CTBP1: variants seen among roughly 807,000 people sequenced by gnomAD.
CTBP1 encodes the protein C-terminal binding protein 1.
In CTBP1, 11 loss-of-function variants were observed where a neutral mutation model predicts 42.1. That is an observed-to-expected ratio of 0.26 (90% CI 0.16 to 0.43). The LOEUF is 0.43. Among genes scored for constraint, CTBP1 ranks in the 20% least tolerant of loss-of-function variants. The pLI, the probability that CTBP1 is intolerant of heterozygous loss-of-function variation, is 1.00. For missense variants in CTBP1, 399 were observed against 624.3 expected (o/e 0.64, Z 3.85); for synonymous variants, 324 against 277.1 (o/e 1.17, Z -1.68).
rs1272177196 is a variant in CTBP1, at chr4:1,213,463, G to A, written c.988+15C>T. On this transcript the variant is annotated intron_variant, in intron 8 of 9. Transcript: ENST00000382952. ...AAGGGACCCCCAGGCCTGACCGAGC[G>A]GCCCCCACGCCCACCTGTGATGGCT... The A allele has an allele frequency of 1.2e-5, 19 of 1,608,054 alleles. No individual in the cohort carries two copies. Among genetic ancestry groups the A allele is most frequent in the Admixed American group, 8.3e-5 (5 of 59,972 alleles).
chr4:1,227,880 C>T (rs1324074151), intron 4 of CTBP1, among the ~76,000 whole-genome samples: 3 of 152,220 alleles, frequency 2.0e-5, no homozygotes, highest in African/African-American at 7.2e-5. Flanking sequence ...TACAGCCATA[C>T]ACTGACGGCC....
intron 1 of CTBP1, chr4:1,245,718 A>G: frequency 1.0e-6 from 1 of 964,852 alleles, no homozygotes; most frequent in East Asian, 1.2e-4. Context: ...GGATGGCACA[A>G]GCAGGTCAGG....
chr4:1,236,652 G>T, intron 3 of CTBP1: 1 of 670,734 alleles, frequency 1.5e-6, no homozygotes, highest in Non-Finnish European at 2.7e-6. Context: ...TCCACCTCCT[G>T]ATGGGGCTCA....
chr4:1,231,817 G>A (rs1226280565), intron 3 of CTBP1, among the ~76,000 whole-genome samples: 3 of 152,204 alleles, frequency 2.0e-5, no homozygotes, highest in East Asian at 1.9e-4. Flanking sequence ...AGACCGGCAC[G>A]GCCGTTTCTA....
rs113066235 is a variant in CTBP1, at chr4:1,238,048, G to T, written c.162+135C>A. On this transcript the variant is annotated intron_variant, in intron 3 of 9. Transcript: ENST00000382952. This position sits in a 1 kb window ranked among gnomAD's most constrained non-coding sequence, Gnocchi z 5.9. Reference sequence around the variant, plus strand: ...CCCCGTGTCCACCTCCTGACGGCGCGGGACGACTGGGACAGAGGCTGCTCC... The same window carrying T: ...CCCCGTGTCCACCTCCTGACGGCGCTGGACGACTGGGACAGAGGCTGCTCC... The T allele has an allele frequency of 8.4e-7, 1 of 1,190,238 alleles. No individual in the cohort carries two copies. Among genetic ancestry groups the T allele is most frequent in the South Asian group, 1.2e-5 (1 of 82,592 alleles). 73.7% of individuals were successfully genotyped at this position (1,190,238 alleles called of 1,614,324 possible).
chr4:1,244,614 C>T (rs1408832036), intron 1 of CTBP1: 7 of 985,280 alleles, frequency 7.1e-6, no homozygotes, highest in African/African-American at 3.5e-5. Flanking sequence ...TCCCCCTCCC[C>T]ACAGCAGCCC....
rs374805173 is a variant in CTBP1 at position 1,228,191 on chromosome 4, C to T, written c.307+8G>A. 3.1e-5 allele frequency: 50 copies of T among 1,613,742 alleles called. No individual in the cohort carries two copies. Among genetic ancestry groups the T allele is most frequent in the African/African-American group, 3.1e-4 (23 of 74,906 alleles). The stretch of plus-strand genomic sequence containing the variant: ...ATGGGCACAGGAGAGAACTCGGAGC[C>T]GGCCTACCTAAATCCCCGGCCGACT... On this transcript the variant is annotated splice_region_variant and intron_variant, in intron 4 of 9. Coordinates refer to ENST00000382952, the MANE Select transcript of CTBP1 (RefSeq NM_001012614.2).
rs1394180818 is a variant in CTBP1 at position 1,240,245 on chromosome 4, C to T, written c.7+1080G>A. Among the ~76,000 whole-genome samples, 17 of 136,906 alleles carry T rather than the reference C, an allele frequency of 1.2e-4. 1 individual carries two copies. Among genetic ancestry groups the T allele is most frequent in the African/African-American group, 4.7e-4 (17 of 35,826 alleles). 89.8% of individuals were successfully genotyped at this position (136,906 alleles called of 152,430 possible). ...CTCGTCGGAACCGTGTGGGGCACTCCCGGGTGCTGGGTGAGTGGGACCGGG... is the reference window on the plus strand; with the variant it reads ...CTCGTCGGAACCGTGTGGGGCACTCTCGGGTGCTGGGTGAGTGGGACCGGG... On this transcript the variant is annotated intron_variant, in intron 2 of 9. Transcript: ENST00000382952.
rs1433096995 is a variant in CTBP1 at position 1,215,964 on chromosome 4, G to C, written c.729+27C>G. 1.9e-6 allele frequency: 3 copies of C among 1,586,742 alleles called. No individual in the cohort carries two copies. The South Asian group carries it at 3.4e-5, about 18-fold the overall frequency. ...CACCTGTACCTGCCCCGCAGAAGTA[G>C]AGTCCTGTGTCCCCGGCTCCACGCA... On this transcript the variant is annotated intron_variant, in intron 6 of 9. Coordinates refer to ENST00000382952, the MANE Select transcript of CTBP1 (RefSeq NM_001012614.2).
At chr4:1,244,364 G>GGT (rs55676541) in intron 1 of CTBP1, 2,230 of 983,786 alleles carry the variant, frequency 2.3e-3, no homozygotes, top group Non-Finnish European at 2.5e-3. Flanking sequence ...TGGGGGGGGG[G>GGT]TGTTCCAGGA....
At chr4:1,227,799 G>C (rs549253458) in intron 4 of CTBP1, among the ~76,000 whole-genome samples, 1 of 152,246 alleles carries the variant, frequency 6.6e-6, no homozygotes, top group Non-Finnish European at 1.5e-5. Flanking sequence ...TGTGTGCTGA[G>C]TGCACACGTA....
intron 1 of CTBP1, chr4:1,244,459 C>T: frequency 2.0e-6 from 2 of 985,232 alleles, no homozygotes; most frequent in East Asian, 2.3e-4. Flanking sequence ...CTCATCCCCG[C>T]CTGCTCAGAC....
intron 3 of CTBP1, chr4:1,237,888 T>G (rs1560273525): frequency 1.4e-6 from 1 of 699,224 alleles, no homozygotes; most frequent in East Asian, 2.7e-5. Flanking sequence ...GCAAACCGAA[T>G]GTCCACCTCC....
At chr4:1,247,426 C>G (rs1402971817) in intron 1 of CTBP1, among the ~76,000 whole-genome samples, 1 of 152,078 alleles carries the variant, frequency 6.6e-6, no homozygotes, top group African/African-American at 2.4e-5. Flanking sequence ...GAGCCAAACC[C>G]AGACCCCAGA....
At chr4:1,226,659 C>T (rs111628519) in intron 4 of CTBP1, among the ~76,000 whole-genome samples, 12 of 151,360 alleles carry the variant, frequency 7.9e-5, no homozygotes, top group South Asian at 2.1e-4. Flanking sequence ...GGAAACTCCA[C>T]GGGTAACAGA....
At chr4:1,244,356 G>GGA (rs1553851081) in intron 1 of CTBP1, 14 of 961,110 alleles carry the variant, frequency 1.5e-5, no homozygotes, top group Non-Finnish European at 1.6e-5. Context: ...CTGGGCACTG[G>GGA]GGGGGGGGTG....
chr4:1,236,321 G>A, intron 3 of CTBP1: 1 of 389,128 alleles, frequency 2.6e-6, no homozygotes, highest in Non-Finnish European at 4.7e-6. Flanking sequence ...GGTCTCCTGA[G>A]CAAACAAGAA....
upstream of CTBP1, chr4:1,249,993 G>A (rs759876301): frequency 1.8e-4 from 29 of 162,640 alleles, 1 homozygote; most frequent in Non-Finnish European, 6.8e-5. Context: ...ACTCTCCCGA[G>A]GGGCCCAGGG....
Position 1,247,770 on chromosome 4 carries a change from G to GC in CTBP1, c.-189+1145_-189+1146insG, listed in dbSNP as rs1553852067. ...AGAAACGGTGGAGAGGCCGGGGAGG[G>GC]GGGGGGGGCTCGGGCTCAACGGAAC... is the stretch of plus-strand genomic sequence containing the variant. On this transcript the variant is annotated intron_variant, in intron 1 of 9. Coordinates refer to ENST00000382952, the MANE Select transcript of CTBP1 (RefSeq NM_001012614.2). Among the ~76,000 whole-genome samples, 147 of 135,286 alleles carry GC rather than the reference G, an allele frequency of 1.1e-3. 2 individuals are homozygous for GC. The highest frequency in any genetic ancestry group is 1.9e-3 in the Non-Finnish European group (116 of 59,920). The allele number at this position is 135,286 out of a possible 152,430, so 88.8% of individuals were successfully genotyped here.
Sources: allele counts gnomAD v4.1 joint callset (sites outside exome capture counted in the v4.1 genomes callset), GRCh38; gene constraint gnomAD v4.1.1; non-coding constraint Gnocchi (gnomAD v3.1); transcripts MANE v1.5; gene names NCBI Gene and HGNC (gene_info 2026-07-23, HGNC 2026-07-21).